Variants in MN1 observed in about 807,000 individuals in gnomAD.
MN1 encodes MN1 proto-oncogene, transcriptional regulator, also known as transcriptional activator MN1.
In MN1, 19 loss-of-function variants were observed where a neutral mutation model predicts 86.9. That is an observed-to-expected ratio of 0.22 (90% CI 0.15 to 0.32). The LOEUF is 0.32. Ranked by LOEUF, MN1 falls within the 10% of genes least tolerant of loss-of-function variation. The probability of loss-of-function intolerance (pLI) is 1.00; values close to 1 mark genes in which losing one functional copy is unlikely to be tolerated. For synonymous variants in MN1, 928 were observed against 849.6 expected, an observed-to-expected ratio of 1.09 and a Z score of -1.60; for missense variants, 1,841 against 1,862.0, an observed-to-expected ratio of 0.99 and a Z score of 0.21.
At chr22:27,796,721 C>T in intron 1 of MN1, 42 bp downstream of exon 1, 1 of 1,535,244 alleles carries the variant, frequency 6.5e-7, no homozygotes, top group South Asian at 1.2e-5. Flanking sequence ...GGGGATGGGG[C>T]GGGTCACCCG....
chr22:27,797,560 C>T lies in MN1; in HGVS notation c.2984G>A (p.Arg995His). 1.9e-6 allele frequency: 3 copies of T among 1,606,950 alleles called. No individual in the cohort carries two copies. The highest frequency in any genetic ancestry group is 1.1e-5 in the South Asian group (1 of 90,570). The change falls in exon 1 of 2, where the codon CGC becomes CAC. Residue 995 changes from arginine to histidine, a missense_variant. Arg to His is a conservative substitution (Grantham distance 29). Transcript: ENST00000302326. ...AVGGSSAGET[R>H]GAPTPHEKAL... ...CTTTTCGTGGGGCGTCGGTGCCCCG[C>T]GCGTCTCGCCTGCGGAGCTTCCCCC...
chr22:27,797,063 G>A lies in MN1; in HGVS notation c.3481C>T (p.Gln1161Ter). ...HPLEILQAQI[Q>*]LQRQQFSISE... ...ATGCTGAACTGCTGCCTCTGTAGCT[G>A]GATCTGCGCCTGAAGGATCTCCAGG... Residue 1161 changes from glutamine to a stop codon, truncating the protein, a stop_gained, in exon 1 of 2, where the codon CAG becomes TAG. Transcript: ENST00000302326. LOFTEE classifies it high-confidence loss of function. 6.2e-7 allele frequency: 1 copy of A among 1,612,134 alleles called. No individual in the cohort carries two copies. Among genetic ancestry groups the A allele is most frequent in the Non-Finnish European group, 8.5e-7 (1 of 1,179,584 alleles).
chr22:27,771,372 C>A (rs1474217549), intron 1 of MN1, among the ~76,000 whole-genome samples: 1 of 151,754 alleles, frequency 6.6e-6, no homozygotes, highest in East Asian at 1.9e-4. Flanking sequence ...GGACTACAGG[C>A]ACATGCTACC....
chr22:27,792,964 G>A (rs546656486), intron 1 of MN1, among the ~76,000 whole-genome samples: 1 of 152,252 alleles, frequency 6.6e-6, no homozygotes, highest in Non-Finnish European at 1.5e-5. Flanking sequence ...ATTGCTCAGT[G>A]CTGTTACTGT....
chr22:27,793,053 A>T, intron 1 of MN1, among the ~76,000 whole-genome samples: 1 of 152,180 alleles, frequency 6.6e-6, no homozygotes, highest in East Asian at 1.9e-4. Flanking sequence ...ATACTTCCAA[A>T]AAGGGCAGGA....
At position 27,801,108 on chromosome 22, in the gene MN1, C is replaced by T. The variant is rs1027032587; in HGVS notation, c.-565G>A. 1.7e-5 allele frequency: 4 copies of T among 232,066 alleles called. No homozygotes were observed. The highest frequency in any genetic ancestry group is 2.6e-5 in the Non-Finnish European group (3 of 116,886). The allele number at this position is 232,066 out of a possible 1,614,324, so 14.4% of individuals were successfully genotyped here. On this transcript the variant is annotated 5_prime_UTR_variant, in exon 1 of 2. Transcript: ENST00000302326. ...CCCGCCCCCCGGAGTCCCCGCGCCC[C>T]GCAGCCCGAGCCTCCACCGAGCACG...
At chr22:27,764,379 C>T (rs1415419065) in intron 1 of MN1, among the ~76,000 whole-genome samples, 1 of 152,184 alleles carries the variant, frequency 6.6e-6, no homozygotes, top group African/African-American at 2.4e-5. Context: ...CCCAAGGCAG[C>T]TTCTAAGTCA....
intron 1 of MN1, among the ~76,000 whole-genome samples, chr22:27,794,941 A>G (rs1242501943): frequency 6.6e-6 from 1 of 150,736 alleles, no homozygotes; most frequent in Non-Finnish European, 1.5e-5. Flanking sequence ...GCCAGGTAGA[A>G]GTGACAGGGG....
intron 1 of MN1, among the ~76,000 whole-genome samples, chr22:27,759,529 C>A (rs1193022191): frequency 6.0e-5 from 9 of 150,854 alleles, no homozygotes; most frequent in Non-Finnish European, 1.3e-4. Flanking sequence ...AGCTTGGAGG[C>A]CTGAGTTCAA....
intron 1 of MN1, among the ~76,000 whole-genome samples, chr22:27,751,485 G>C (rs1329310486): frequency 6.6e-6 from 1 of 152,170 alleles, no homozygotes; most frequent in African/African-American, 2.4e-5. Flanking sequence ...ATGTGTAGGA[G>C]TTCGCCGCAT....
intron 1 of MN1, among the ~76,000 whole-genome samples, chr22:27,760,199 G>A (rs1932825425): frequency 6.6e-6 from 1 of 152,106 alleles, no homozygotes; most frequent in Non-Finnish European, 1.5e-5. Flanking sequence ...ACAAAAATTA[G>A]CCGGGAGTAG....
At position 27,750,781 on chromosome 22, in the gene MN1, G is replaced by GAA. The variant is rs377485634; in HGVS notation, c.*132_*133dup. The GAA allele has an allele frequency of 3.2e-3, 1,603 of 494,234 alleles. No individual in the cohort carries two copies. The highest frequency in any genetic ancestry group is 6.6e-3 in the East Asian group (159 of 23,928). The allele number at this position is 494,234 out of a possible 1,614,324, so 30.6% of individuals were successfully genotyped here. On this transcript the variant is annotated 3_prime_UTR_variant, in exon 2 of 2. Transcript: ENST00000302326. ...GCCACTAAGCAGGTACCAACCTAGA[G>GAA]AAAAAAAAAAAACTCATCCACTCAG...
chr22:27,789,800 G>T (rs1019737664), intron 1 of MN1, among the ~76,000 whole-genome samples: 1 of 152,204 alleles, frequency 6.6e-6, no homozygotes, highest in Non-Finnish European at 1.5e-5. Context: ...GAAAAGATAC[G>T]CATGCAATCA....
Position 27,750,552 on chromosome 22 carries a change from A to G in MN1, c.*363T>C. ...CAATACTTGGACATACAGCAGCATG[A>G]AAACAAAACAAGGAAAGAGGTCATC... On this transcript the variant is annotated 3_prime_UTR_variant, in exon 2 of 2. Transcript: ENST00000302326. The G allele has an allele frequency of 4.1e-6, 1 of 243,150 alleles. No individual in the cohort carries two copies. The highest frequency in any genetic ancestry group is 8.0e-6 in the Non-Finnish European group (1 of 125,210). The allele number at this position is 243,150 out of a possible 1,614,324, so 15.1% of individuals were successfully genotyped here.
intron 1 of MN1, among the ~76,000 whole-genome samples, chr22:27,790,688 G>T (rs371928269): frequency 2.7e-5 from 4 of 150,850 alleles, no homozygotes; most frequent in Non-Finnish European, 4.4e-5. Flanking sequence ...GGGGGTAGGT[G>T]GGGGGGGAGT....
chr22:27,752,549 C>A (rs912481432), intron 1 of MN1, among the ~76,000 whole-genome samples: 1 of 152,190 alleles, frequency 6.6e-6, no homozygotes, highest in Admixed American at 6.5e-5. Flanking sequence ...GAGAAAGGAG[C>A]CTGACAACCA....
intron 1 of MN1, among the ~76,000 whole-genome samples, chr22:27,787,073 T>G (rs1176620432): frequency 6.6e-6 from 1 of 152,192 alleles, no homozygotes; most frequent in Non-Finnish European, 1.5e-5. Context: ...TGCATGAGCT[T>G]CTTCTTGGGG....
Position 27,797,943 on chromosome 22 carries a change from G to T in MN1, c.2601C>A (p.Gly867=), listed in dbSNP as rs1601344666. 6.3e-7 allele frequency: 1 copy of T among 1,595,786 alleles called. No homozygotes were observed. Among genetic ancestry groups the T allele is most frequent in the Non-Finnish European group, 8.5e-7 (1 of 1,170,728 alleles). Residue 867 remains glycine (G), a synonymous_variant, in exon 1 of 2, where the codon GGC becomes GGA. Coordinates refer to ENST00000302326, the MANE Select transcript of MN1 (RefSeq NM_002430.3). The part of the protein sequence containing the change: ...KRKLSQNETD[G]AAVAGNPGSD... Reference sequence around the variant, plus strand: ...AGCCCGGGTTGCCGGCCACTGCCGCGCCGTCGGTCTCGTTCTGGCTCAGTT... The same window carrying T: ...AGCCCGGGTTGCCGGCCACTGCCGCTCCGTCGGTCTCGTTCTGGCTCAGTT...
At chr22:27,792,718 G>T (rs1053885719) in intron 1 of MN1, among the ~76,000 whole-genome samples, 2 of 152,026 alleles carry the variant, frequency 1.3e-5, no homozygotes, top group Admixed American at 1.3e-4. Flanking sequence ...CGAAGTTTTG[G>T]GTTACATCTT....
Sources: gnomAD v4.1 joint callset for allele counts (sites outside exome capture counted in the v4.1 genomes callset) on GRCh38, gnomAD v4.1.1 for gene constraint, MANE v1.5 for transcripts, NCBI Gene and HGNC (gene_info 2026-07-23, HGNC 2026-07-21) for gene names.